DAB1: variants seen among roughly 807,000 people sequenced by gnomAD.
DAB1 encodes DAB adaptor protein 1.
DAB1 carries 15 observed loss-of-function variants against 64.6 expected under a neutral mutation model. The observed-to-expected ratio is 0.23, with a 90% CI of 0.16 to 0.36. DAB1 has a LOEUF of 0.36. Among genes scored for constraint, DAB1 ranks in the 10% least tolerant of loss-of-function variants. The pLI is 1.00. For synonymous variants in DAB1, 235 were observed against 251.9 expected (o/e 0.93, Z 0.64); for missense variants, 596 against 706.7 (o/e 0.84, Z 1.78).
chr1:57,333,088 G>T (rs574446859), intron 1 of DAB1, among the ~76,000 whole-genome samples: 2 of 152,296 alleles, frequency 1.3e-5, no homozygotes, highest in African/African-American at 4.8e-5. Flanking sequence ...TAGACCAGGA[G>T]TTCTCTCTCA....
intron 7 of DAB1, among the ~76,000 whole-genome samples, chr1:57,435,818 G>A (rs754258222): frequency 4.0e-5 from 6 of 151,406 alleles, no homozygotes; most frequent in Admixed American, 6.6e-5. Flanking sequence ...AATGATCAGA[G>A]TATAATAAAT....
chr1:57,927,379 C>A (rs1174257213), intron 5 of DAB1, among the ~76,000 whole-genome samples: 1 of 152,042 alleles, frequency 6.6e-6, no homozygotes, highest in African/African-American at 2.4e-5. Context: ...AAGAACCAAC[C>A]ATTCAGCTAC....
At chr1:57,092,678 G>A (rs1263298563) in intron 4 of DAB1, among the ~76,000 whole-genome samples, 1 of 126,002 alleles carries the variant, frequency 7.9e-6, no homozygotes, top group Non-Finnish European at 1.6e-5. Flanking sequence ...GGGGGAGGGG[G>A]GTGGGGGGGC....
intron 4 of DAB1, among the ~76,000 whole-genome samples, chr1:58,316,240 G>C (rs1176598726): frequency 6.6e-6 from 1 of 152,216 alleles, no homozygotes; most frequent in Non-Finnish European, 1.5e-5. Context: ...AAGCTGGGCA[G>C]GAAGATCTGA....
intron 1 of DAB1, among the ~76,000 whole-genome samples, chr1:57,371,365 T>G (rs994540056): frequency 6.6e-6 from 1 of 152,216 alleles, no homozygotes; most frequent in Non-Finnish European, 1.5e-5. Flanking sequence ...AATGTACTTT[T>G]TATGTGCCAG....
intron 4 of DAB1, among the ~76,000 whole-genome samples, chr1:58,309,026 G>A (rs557973717): frequency 9.1e-4 from 139 of 152,288 alleles, no homozygotes; most frequent in Non-Finnish European, 1.7e-3. Context: ...TGCAATATGA[G>A]ATGAGAGAGA....
intron 2 of DAB1, among the ~76,000 whole-genome samples, chr1:57,189,105 A>C (rs1229459295): frequency 6.6e-6 from 1 of 152,088 alleles, no homozygotes; most frequent in Non-Finnish European, 1.5e-5. Context: ...TGTCTCCATG[A>C]TCAAAATAAC....
intron 4 of DAB1, among the ~76,000 whole-genome samples, chr1:58,219,374 A>C (rs1194841108): frequency 1.3e-5 from 2 of 152,180 alleles, no homozygotes; most frequent in African/African-American, 4.8e-5. Flanking sequence ...GCTGAGCTTC[A>C]TCCTTGACAA....
intron 4 of DAB1, among the ~76,000 whole-genome samples, chr1:58,251,278 T>A (rs1344059398): frequency 6.6e-6 from 1 of 152,226 alleles, no homozygotes; most frequent in Non-Finnish European, 1.5e-5. Flanking sequence ...AGCCTACCTC[T>A]ACTTTATGGA....
intron 1 of DAB1, among the ~76,000 whole-genome samples, chr1:57,418,833 G>A (rs982144897): frequency 1.3e-5 from 2 of 152,124 alleles, no homozygotes; most frequent in African/African-American, 4.8e-5. Flanking sequence ...GATGCCAGAG[G>A]AGTTTTATGA....
At position 58,006,818 on chromosome 1, in the gene DAB1, A is replaced by C. The variant is rs528405263; in HGVS notation, n.388-122656T>G. Among the ~76,000 whole-genome samples the C allele has an allele frequency of 2.6e-5, 4 of 152,304 alleles. No individual in the cohort carries two copies. In the South Asian group the frequency reaches 8.3e-4, roughly 32 times the overall value. ...AGGAATGCTCCTGTGAAGGTGAAAC[A>C]TGTGGATTCTGAAAGGGAACAGTGA... On this transcript the variant is annotated intron_variant and non_coding_transcript_variant, in intron 5 of 20. Coordinates refer to the DAB1 transcript ENST00000485760.
At chr1:57,071,269 T>G in intron 6 of DAB1, 1 of 645,632 alleles carries the variant, frequency 1.5e-6, no homozygotes, top group Non-Finnish European at 2.6e-6. Context: ...GCAAAAGCAA[T>G]TGTGTTTCTT....
At chr1:57,196,783 C>T (rs529988598) in intron 2 of DAB1, among the ~76,000 whole-genome samples, 8 of 152,282 alleles carry the variant, frequency 5.3e-5, no homozygotes, top group South Asian at 2.1e-4. Flanking sequence ...CAATACAGTC[C>T]TTTTTGCTTG....
intron 3 of DAB1, among the ~76,000 whole-genome samples, chr1:58,438,456 G>A (rs905968136): frequency 2.0e-5 from 3 of 152,182 alleles, no homozygotes; most frequent in Non-Finnish European, 2.9e-5. Context: ...CAGCAGGTAC[G>A]AAGGGCCTCA....
rs981538513 is a variant in DAB1, at chr1:58,375,676, T to A, written n.258-32273A>T. On this transcript the variant is annotated intron_variant and non_coding_transcript_variant, in intron 3 of 20. Transcript: ENST00000485760. ...GTTGTGTCTCTGCCCGGCTTTGGTA[T>A]CAGAATGATGCTGGCCTCATAAAAT... 7.7e-5 allele frequency among the ~76,000 whole-genome samples: 11 copies of A among 142,280 alleles called. 1 individual carries two copies. The highest frequency in any genetic ancestry group is 3.5e-4 in the Admixed American group (5 of 14,318). 93.3% of individuals were successfully genotyped at this position (142,280 alleles called of 152,430 possible).
chr1:57,291,510 A>T (rs978380348), intron 1 of DAB1, among the ~76,000 whole-genome samples: 5 of 152,166 alleles, frequency 3.3e-5, no homozygotes, highest in African/African-American at 1.2e-4. Context: ...CCCCATGGAG[A>T]CATTTCCAAT....
chr1:57,198,252 A>C (rs1472526634), intron 2 of DAB1, among the ~76,000 whole-genome samples: 1 of 151,976 alleles, frequency 6.6e-6, no homozygotes, highest in African/African-American at 2.4e-5. Flanking sequence ...GTACATTTAG[A>C]AATCACCCAC....
intron 1 of DAB1, among the ~76,000 whole-genome samples, chr1:57,297,991 C>G (rs1392151697): frequency 1.3e-5 from 2 of 152,164 alleles, no homozygotes; most frequent in Non-Finnish European, 2.9e-5. Flanking sequence ...TATTCCATGC[C>G]CACTCAGACT....
intron 12 of DAB1, 73 bp downstream of exon 12, chr1:57,014,810 C>A: frequency 7.6e-7 from 1 of 1,309,226 alleles, no homozygotes; most frequent in Non-Finnish European, 1.0e-6. Flanking sequence ...AGTTATTTGA[C>A]TCCAGAAACC....
Sources: allele counts gnomAD v4.1 joint callset (sites outside exome capture counted in the v4.1 genomes callset), GRCh38; gene constraint gnomAD v4.1.1; transcripts MANE v1.5; gene names NCBI Gene and HGNC (gene_info 2026-07-23, HGNC 2026-07-21).